The following IRF2 variants were observed in gnomAD, a reference collection of about 807,000 sequenced individuals.
IRF2 encodes the protein interferon regulatory factor 2.
IRF2 carries 15 observed loss-of-function variants against 40.6 expected under a neutral mutation model. That is an observed-to-expected ratio of 0.37 (90% CI 0.25 to 0.57). The LOEUF (loss-of-function observed/expected upper bound fraction) is 0.57. IRF2 is among the 20% of genes least tolerant of loss of function. The probability of loss-of-function intolerance (pLI) is 0.77; values close to 1 mark genes in which losing one functional copy is unlikely to be tolerated. For synonymous variants in IRF2, 151 were observed against 165.5 expected (o/e 0.91, Z 0.67); for missense variants, 317 against 455.7 (o/e 0.70, Z 2.77).
At chr4:184,425,855 A>G (rs143091866) in intron 2 of IRF2, among the ~76,000 whole-genome samples, 1 of 152,358 alleles carries the variant, frequency 6.6e-6, no homozygotes, top group African/African-American at 2.4e-5. Flanking sequence ...GGGTGCATCA[A>G]TCTCCTAAGA....
In IRF2 at chr4:184,408,672, G is replaced by A. The variant is rs572767526; in HGVS notation, c.412-397C>T. Among the ~76,000 whole-genome samples, 2 of 152,362 alleles carry A rather than the reference G, an allele frequency of 1.3e-5. No homozygotes were observed. Among genetic ancestry groups the A allele is most frequent in the Admixed American group, 6.5e-5 (1 of 15,308 alleles). ...ATCAATGCCTGGCTTTCACCAGGGA[G>A]GAATCATGCTACCTCTTTCATAATT... On this transcript the variant is annotated intron_variant, in intron 5 of 8. Transcript: ENST00000393593. This position sits in a 1 kb window ranked among gnomAD's most constrained non-coding sequence, Gnocchi z 4.9.
intron 1 of IRF2, among the ~76,000 whole-genome samples, chr4:184,439,529 G>T (rs1041578377): frequency 6.6e-6 from 1 of 152,064 alleles, no homozygotes; most frequent in African/African-American, 2.4e-5. Flanking sequence ...TGAGTCATGG[G>T]AAAACAGGAG....
intron 7 of IRF2, 104 bp downstream of exon 7, chr4:184,398,810 AG>A: frequency 1.0e-6 from 1 of 1,001,028 alleles, no homozygotes; most frequent in South Asian, 1.8e-5. Context: ...AATAACTCCT[AG>A]GACAGAGGAG....
intron 8 of IRF2, among the ~76,000 whole-genome samples, chr4:184,390,273 C>T (rs773313207): frequency 6.6e-5 from 10 of 152,202 alleles, no homozygotes; most frequent in South Asian, 2.1e-4. Context: ...GCTCTGGGCA[C>T]GGGTCACAGC....
intron 1 of IRF2, among the ~76,000 whole-genome samples, chr4:184,439,909 T>C (rs1295576914): frequency 6.6e-6 from 1 of 152,196 alleles, no homozygotes; most frequent in African/African-American, 2.4e-5. Flanking sequence ...GTGGTCACTC[T>C]AGAAAACAGT....
In IRF2 at chr4:184,419,526, G is replaced by T. The variant is rs770931612; in HGVS notation, c.130C>A (p.His44Asn). ...FQIPWMHAARHGWDVEKDAPL... is the reference protein window; with the variant it reads ...FQIPWMHAARNGWDVEKDAPL... ...GCATCTTTTTCCACATCCCACCCATGTCTAGCCGCATGCATCCAGGGGATC... is the reference window on the plus strand; with the variant it reads ...GCATCTTTTTCCACATCCCACCCATTTCTAGCCGCATGCATCCAGGGGATC... The change falls in exon 3 of 9, where the codon CAT becomes AAT. Residue 44 changes from histidine to asparagine, a missense_variant. Physicochemically the swap from His to Asn is moderately conservative, Grantham distance 68. Coordinates refer to ENST00000393593, the MANE Select transcript of IRF2 (RefSeq NM_002199.4). 3 of 1,568,714 alleles carry T rather than the reference G, an allele frequency of 1.9e-6. No individual in the cohort carries two copies. Among genetic ancestry groups the T allele is most frequent in the Non-Finnish European group, 2.6e-6 (3 of 1,147,876 alleles).
At chr4:184,422,765 T>C (rs371927607) in intron 2 of IRF2, among the ~76,000 whole-genome samples, 4 of 151,982 alleles carry the variant, frequency 2.6e-5, no homozygotes, top group African/African-American at 4.8e-5. Context: ...CAGAGATCCA[T>C]AGAGACAGAG....
intron 1 of IRF2, among the ~76,000 whole-genome samples, chr4:184,436,078 G>A (rs914623019): frequency 1.3e-5 from 2 of 151,562 alleles, no homozygotes; most frequent in Non-Finnish European, 2.9e-5. Flanking sequence ...CCAGGTTCAA[G>A]CAATTCTCCT....
intron 7 of IRF2, 107 bp downstream of exon 7, chr4:184,398,808 C>T (rs1383149512): frequency 1.0e-6 from 1 of 1,003,906 alleles, no homozygotes; most frequent in African/African-American, 1.6e-5. Flanking sequence ...AGAATAACTC[C>T]TAGGACAGAG....
rs530310990 is a variant in IRF2 at position 184,420,087 on chromosome 4, C to T, written c.88-519G>A. On this transcript the variant is annotated intron_variant, in intron 2 of 8. Transcript: ENST00000393593. The stretch of plus-strand genomic sequence containing the variant: ...TTTGCCATGCTGGCCAGGCTGGTCT[C>T]GAACTCCTGACCTCAAGTGATCTGC... Among the ~76,000 whole-genome samples the T allele has an allele frequency of 6.6e-5, 10 of 152,244 alleles. No individual in the cohort carries two copies. In the South Asian group the frequency reaches 1.9e-3, roughly 28 times the overall value.
intron 5 of IRF2, among the ~76,000 whole-genome samples, chr4:184,417,590 G>A (rs940215430): frequency 5.3e-5 from 8 of 152,204 alleles, no homozygotes; most frequent in African/African-American, 1.9e-4. Flanking sequence ...ACAGCCTAGT[G>A]AGAAGCTGAC....
intron 1 of IRF2, among the ~76,000 whole-genome samples, chr4:184,438,139 T>A (rs1263952433): frequency 1.3e-5 from 2 of 152,168 alleles, no homozygotes; most frequent in African/African-American, 4.8e-5. Flanking sequence ...TTTCACTTAA[T>A]CTTCCAACAA....
intron 1 of IRF2, among the ~76,000 whole-genome samples, chr4:184,459,059 T>C (rs1172595202): frequency 2.0e-5 from 3 of 152,104 alleles, no homozygotes; most frequent in Non-Finnish European, 2.9e-5. Context: ...TCTGAGGCTG[T>C]TTTTACTAAT....
At chr4:184,450,326 T>C (rs1481751075) in intron 1 of IRF2, among the ~76,000 whole-genome samples, 1 of 152,258 alleles carries the variant, frequency 6.6e-6, no homozygotes, top group African/African-American at 2.4e-5. Flanking sequence ...GGGCTTGCAG[T>C]AGATTTCAAG....
intron 6 of IRF2, among the ~76,000 whole-genome samples, chr4:184,406,318 C>T (rs1201870529): frequency 6.6e-6 from 1 of 151,698 alleles, no homozygotes; most frequent in Non-Finnish European, 1.5e-5. Flanking sequence ...CAACCTCCGC[C>T]TCCTGGGTTC....
At chr4:184,421,822 T>C (rs1737493365) in intron 2 of IRF2, among the ~76,000 whole-genome samples, 1 of 152,186 alleles carries the variant, frequency 6.6e-6, no homozygotes, top group South Asian at 2.1e-4. Flanking sequence ...ACATACACTA[T>C]GGACCCTCTT....
At chr4:184,435,433 G>A (rs893291140) in intron 1 of IRF2, among the ~76,000 whole-genome samples, 1 of 152,182 alleles carries the variant, frequency 6.6e-6, no homozygotes, top group Non-Finnish European at 1.5e-5. Context: ...CTGAGAGGGG[G>A]GTGGTGCTTC....
intron 7 of IRF2, among the ~76,000 whole-genome samples, chr4:184,395,515 T>C (rs756997615): frequency 1.4e-4 from 21 of 150,212 alleles, no homozygotes; most frequent in Non-Finnish European, 2.1e-4. Flanking sequence ...AATGGCCGAC[T>C]CTACTGGAGA....
intron 1 of IRF2, among the ~76,000 whole-genome samples, chr4:184,461,811 A>G (rs1739159046): frequency 6.6e-6 from 1 of 151,926 alleles, no homozygotes; most frequent in Non-Finnish European, 1.5e-5. Context: ...AACATTTTCA[A>G]TTCACCCTGA....
Sources: allele counts gnomAD v4.1 joint callset (sites outside exome capture counted in the v4.1 genomes callset), GRCh38; gene constraint gnomAD v4.1.1; non-coding constraint Gnocchi (gnomAD v3.1); transcripts MANE v1.5; gene names NCBI Gene and HGNC (gene_info 2026-07-23, HGNC 2026-07-21).